Variants in ANO4 observed in about 807,000 individuals in gnomAD.
ANO4 encodes the protein anoctamin 4.
ANO4 carries 69 observed loss-of-function variants against 141.9 expected under a neutral mutation model. That is an observed-to-expected ratio of 0.49 (90% confidence interval 0.40 to 0.59). ANO4 has a LOEUF of 0.59. Ranked by LOEUF, ANO4 falls within the 20% of genes least tolerant of loss-of-function variation. The pLI, the probability that ANO4 is intolerant of heterozygous loss-of-function variation, is 0.00. For synonymous variants in ANO4, 350 were observed against 394.3 expected (o/e 0.89, Z 1.33); for missense variants, 894 against 1,162.2 (o/e 0.77, Z 3.36).
At chr12:101,095,614 A>T (rs904153159) in intron 18 of ANO4, among the ~76,000 whole-genome samples, 51 of 152,228 alleles carry the variant, frequency 3.4e-4, no homozygotes, top group Non-Finnish European at 1.9e-4. Flanking sequence ...CCCTTCTCAG[A>T]CATGCTCCCT....
At chr12:100,846,126 A>G (rs531155675) in intron 1 of ANO4, among the ~76,000 whole-genome samples, 19 of 152,362 alleles carry the variant, frequency 1.2e-4, no homozygotes, top group African/African-American at 4.3e-4. Flanking sequence ...TTGCAAATTA[A>G]CTAGCAAGGC....
At chr12:100,901,930 C>A in intron 2 of ANO4, 90 bp downstream of exon 2, 2 of 1,263,178 alleles carry the variant, frequency 1.6e-6, no homozygotes, top group South Asian at 1.5e-5. Flanking sequence ...ATATGCCATA[C>A]TTTCAGCTAA....
At chr12:100,980,305 C>T (rs1424392380) in intron 7 of ANO4, among the ~76,000 whole-genome samples, 3 of 152,196 alleles carry the variant, frequency 2.0e-5, no homozygotes, top group Non-Finnish European at 4.4e-5. Context: ...CTTTCTGAAG[C>T]CCAGTGTATG....
chr12:100,880,859 C>T lies in ANO4; in HGVS notation c.-140-20787C>T, dbSNP rs190820291. Among the ~76,000 whole-genome samples, 26 of 152,188 alleles carry T rather than the reference C, an allele frequency of 1.7e-4. No homozygotes were observed. The East Asian group carries it at 4.3e-3, about 25-fold the overall frequency. On this transcript the variant is annotated intron_variant, in intron 1 of 27. Coordinates refer to ENST00000392977, the MANE Select transcript of ANO4 (RefSeq NM_001286615.2). Reference sequence around the variant, plus strand: ...TCTTTGAAGATATCTATGCATGGACCATTGGCTCTAAAATCCCCCTCTTTG... The same window carrying T: ...TCTTTGAAGATATCTATGCATGGACTATTGGCTCTAAAATCCCCCTCTTTG...
At position 101,120,621 on chromosome 12, in the gene ANO4, T is replaced by C. The variant is rs1342993659; in HGVS notation, c.2672T>C (p.Phe891Ser). ...LAARLAFIIV[F>S]EHLVFCIKHL... ...GCTCGATTAGCTTTTATCATTGTCT[T>C]TGAGGTAAGTTTCCTCAGCCAAATT... Residue 891 changes from phenylalanine to serine, a missense_variant, in exon 26 of 28, where the codon TTT becomes TCT. This residue lies in a region of ANO4 where 637 missense variants were observed against 909.2 expected (regional missense o/e 0.70). Transcript: ENST00000392977. 1 of 1,613,386 alleles carries C rather than the reference T, an allele frequency of 6.2e-7. No homozygotes were observed. The highest frequency in any genetic ancestry group is 8.5e-7 in the Non-Finnish European group (1 of 1,179,478).
At chr12:101,068,590 G>T in intron 14 of ANO4, 1 of 1,414,674 alleles carries the variant, frequency 7.1e-7, no homozygotes, top group Non-Finnish European at 1.0e-6. Flanking sequence ...TCAAAAGTGT[G>T]GTGAAAGTGC....
At chr12:101,047,604 A>C (rs1432364313) in intron 13 of ANO4, among the ~76,000 whole-genome samples, 1 of 152,206 alleles carries the variant, frequency 6.6e-6, no homozygotes, top group African/African-American at 2.4e-5. Flanking sequence ...TTATGAACCT[A>C]TCAGTCATCA....
Position 100,844,809 on chromosome 12 carries a change from T to C in ANO4, c.-141+49782T>C, listed in dbSNP as rs78118860. 5.0e-3 allele frequency among the ~76,000 whole-genome samples: 756 copies of C among 151,158 alleles called. 9 individuals are homozygous for C. The highest frequency in any genetic ancestry group is 0.018 in the African/African-American group (731 of 41,136). ...AGGGATAGTCAAAGCAAGAGGGAAATTGGGGAACATTAGCATGTTCATAAT... is the reference window on the plus strand; with the variant it reads ...AGGGATAGTCAAAGCAAGAGGGAAACTGGGGAACATTAGCATGTTCATAAT... On this transcript the variant is annotated intron_variant, in intron 1 of 27. Transcript: ENST00000392977.
At chr12:100,771,562 T>A (rs1418755715) in intron 3 of ANO4, among the ~76,000 whole-genome samples, 2 of 152,148 alleles carry the variant, frequency 1.3e-5, no homozygotes, top group Non-Finnish European at 2.9e-5. Context: ...GAGGGCTATC[T>A]CACTGCTGAT....
chr12:100,842,851 C>G (rs1375340797), intron 1 of ANO4, among the ~76,000 whole-genome samples: 2 of 152,086 alleles, frequency 1.3e-5, no homozygotes, highest in East Asian at 3.9e-4. Context: ...TCCTAAAGGC[C>G]CCACCTCTTA....
At chr12:100,927,550 A>G (rs2041923633) in intron 3 of ANO4, among the ~76,000 whole-genome samples, 1 of 152,132 alleles carries the variant, frequency 6.6e-6, no homozygotes, top group Non-Finnish European at 1.5e-5. Context: ...TTGATTGAGA[A>G]TCATGTCTTA....
intron 1 of ANO4, among the ~76,000 whole-genome samples, chr12:100,819,647 T>C (rs1315565355): frequency 6.6e-6 from 1 of 152,000 alleles, no homozygotes; most frequent in East Asian, 1.9e-4. Context: ...GCTCTATACT[T>C]TTTTATGAAA....
intron 3 of ANO4, among the ~76,000 whole-genome samples, chr12:100,743,061 T>A (rs2031942736): frequency 6.6e-6 from 1 of 152,164 alleles, no homozygotes; most frequent in South Asian, 2.1e-4. Flanking sequence ...TGTTATGTAT[T>A]GTGATAAGTC....
intron 1 of ANO4, among the ~76,000 whole-genome samples, chr12:100,875,507 A>G (rs902157536): frequency 1.3e-5 from 2 of 152,228 alleles, no homozygotes; most frequent in African/African-American, 4.8e-5. Flanking sequence ...CACAATGATG[A>G]TAAACTTTTA....
intron 22 of ANO4, among the ~76,000 whole-genome samples, chr12:101,104,627 G>GTGTGTGTATA (rs1297866922): frequency 1.6e-5 from 1 of 62,062 alleles, no homozygotes; most frequent in African/African-American, 7.8e-5. Context: ...ATGTATGTGT[G>GTGTGTGTATA]TATATATATA....
intron 10 of ANO4, among the ~76,000 whole-genome samples, chr12:101,037,374 G>T (rs1566159094): frequency 6.6e-6 from 1 of 152,108 alleles, no homozygotes; most frequent in Non-Finnish European, 1.5e-5. Flanking sequence ...TAAATCAATA[G>T]TCATGCAGCA....
chr12:100,846,390 G>A (rs1411124318), intron 1 of ANO4, among the ~76,000 whole-genome samples: 1 of 152,120 alleles, frequency 6.6e-6, no homozygotes, highest in Admixed American at 6.6e-5. Flanking sequence ...TCCCCCAATG[G>A]TAACATTTTG....
At chr12:100,931,159 T>C (rs2042076288) in intron 3 of ANO4, among the ~76,000 whole-genome samples, 1 of 152,168 alleles carries the variant, frequency 6.6e-6, no homozygotes. Flanking sequence ...TAGAGAGTCT[T>C]GGGCTTGCTC....
chr12:100,835,701 A>G (rs1593467172), intron 1 of ANO4, among the ~76,000 whole-genome samples: 1 of 151,982 alleles, frequency 6.6e-6, no homozygotes, highest in Non-Finnish European at 1.5e-5. Context: ...TCTACAGGGC[A>G]CTCAAGGAAC....
Sources: allele counts gnomAD v4.1 joint callset (sites outside exome capture counted in the v4.1 genomes callset), GRCh38; gene constraint gnomAD v4.1.1; regional missense constraint gnomAD v4.1.1; transcripts MANE v1.5; gene names NCBI Gene and HGNC (gene_info 2026-07-23, HGNC 2026-07-21).